ARSK: variants seen among roughly 807,000 people sequenced by gnomAD.
The protein encoded by ARSK is arylsulfatase family member K.
ARSK carries 37 observed loss-of-function variants against 53.2 expected under a neutral mutation model. That is an observed-to-expected ratio of 0.70 (90% CI 0.54 to 0.92). The LOEUF is 0.92. Among genes scored for constraint, ARSK ranks in the 40% least tolerant of loss-of-function variants. The probability of loss-of-function intolerance (pLI) is 0.00; values close to 1 mark genes in which losing one functional copy is unlikely to be tolerated. For missense variants in ARSK, 613 were observed against 643.0 expected (o/e 0.95, Z 0.51); for synonymous variants, 208 against 223.2 (o/e 0.93, Z 0.61).
chr5:95,555,168 C>CA lies in ARSK; in HGVS notation c.-108dup. 1 of 1,078,530 alleles carries CA rather than the reference C, an allele frequency of 9.3e-7. No homozygotes were observed. Among genetic ancestry groups the CA allele is most frequent in the Non-Finnish European group, 1.3e-6 (1 of 767,868 alleles). 66.8% of individuals were successfully genotyped at this position (1,078,530 alleles called of 1,614,324 possible). Reference sequence around the variant, plus strand: ...AAGCTCGGCGTTACTATCAAGCAACCAAACTGCAAGCTTTGGGAGTTGTTC... The same window carrying CA: ...AAGCTCGGCGTTACTATCAAGCAACCAAAACTGCAAGCTTTGGGAGTTGTTC... On this transcript the variant is annotated 5_prime_UTR_variant, in exon 1 of 8. Transcript: ENST00000380009. The surrounding 1 kb of genome is among the most constrained non-coding windows in gnomAD (Gnocchi z 4.0).
rs1405908513 is a variant in ARSK at position 95,588,384 on chromosome 5, G to A, written c.871+1651G>A. Among the ~76,000 whole-genome samples, 7 of 151,598 alleles carry A rather than the reference G, an allele frequency of 4.6e-5. No homozygotes were observed. In the South Asian group the frequency reaches 6.3e-4, roughly 14 times the overall value. On this transcript the variant is annotated intron_variant, in intron 5 of 7. Coordinates refer to ENST00000380009, the MANE Select transcript of ARSK (RefSeq NM_198150.3). The stretch of plus-strand genomic sequence containing the variant: ...CCCGAGTAGCTGGGATTATAGGCAC[G>A]CGCCACCACGCCCAGCTAATTTTTG...
intron 5 of ARSK, among the ~76,000 whole-genome samples, chr5:95,589,125 G>A (rs1349789731): frequency 6.6e-6 from 1 of 152,184 alleles, no homozygotes; most frequent in Non-Finnish European, 1.5e-5. Context: ...CCTCAGGGAT[G>A]TCTTCCCCAA....
intron 3 of ARSK, among the ~76,000 whole-genome samples, chr5:95,582,415 G>A (rs1184907841): frequency 6.6e-6 from 1 of 151,990 alleles, no homozygotes; most frequent in Non-Finnish European, 1.5e-5. Context: ...AGTTAAAATT[G>A]TTCTTTTAAT....
At position 95,603,418 on chromosome 5, in the gene ARSK, C is replaced by A; in HGVS notation, c.1503C>A (p.Asn501Lys). 6.2e-7 allele frequency: 1 copy of A among 1,613,502 alleles called. No homozygotes were observed. The highest frequency in any genetic ancestry group is 1.7e-5 in the Admixed American group (1 of 59,978). Residue 501 changes from asparagine to lysine, a missense_variant, in exon 8 of 8, where the codon AAC (asparagine) becomes AAA (lysine). Coordinates refer to ENST00000380009, the MANE Select transcript of ARSK (RefSeq NM_198150.3). ...AAAGTATAGGACAGAATTATTCAAA[C>A]GTTATAGCAAATCTTAGGTGGCACC... Reference protein sequence around the residue: ...WKQSIGQNYSNVIANLRWHQD... With the variant: ...WKQSIGQNYSKVIANLRWHQD...
chr5:95,555,513 C>A lies in ARSK; in HGVS notation c.126+109C>A. 8.4e-7 allele frequency: 1 copy of A among 1,188,698 alleles called. No individual in the cohort carries two copies. The highest frequency in any genetic ancestry group is 1.1e-6 in the Non-Finnish European group (1 of 882,524). 73.6% of individuals were successfully genotyped at this position (1,188,698 alleles called of 1,614,324 possible). A position where few individuals can be genotyped will look rare whatever the true frequency, so the allele number is the denominator to read the frequency against. Reference sequence around the variant, plus strand: ...GCAGAACCTGAGACATTTTCAAACACCTTTTACCCCGATGCAAAGAAAGAA... The same window carrying A: ...GCAGAACCTGAGACATTTTCAAACAACTTTTACCCCGATGCAAAGAAAGAA... On this transcript the variant is annotated intron_variant, in intron 1 of 7. Coordinates refer to ENST00000380009, the MANE Select transcript of ARSK (RefSeq NM_198150.3). The surrounding 1 kb of genome is among the most constrained non-coding windows in gnomAD (Gnocchi z 4.0).
intron 3 of ARSK, among the ~76,000 whole-genome samples, chr5:95,569,303 A>G (rs1439930062): frequency 1.3e-5 from 2 of 152,232 alleles, no homozygotes; most frequent in African/African-American, 4.8e-5. Flanking sequence ...TAATAATAAG[A>G]AAAAATTAAG....
intron 3 of ARSK, among the ~76,000 whole-genome samples, chr5:95,582,549 G>T (rs1749036115): frequency 6.6e-6 from 1 of 151,852 alleles, no homozygotes; most frequent in Non-Finnish European, 1.5e-5. Context: ...TAGTAGCTTT[G>T]GTTAGGAATA....
chr5:95,567,730 A>G (rs377057104), intron 2 of ARSK, among the ~76,000 whole-genome samples, 160 bp from the exon 3 acceptor site: 4 of 152,224 alleles, frequency 2.6e-5, no homozygotes, highest in East Asian at 3.8e-4. Context: ...TGATAAAATG[A>G]GGTAACAATC....
Position 95,582,941 on chromosome 5 carries a change from G to A in ARSK, c.442G>A (p.Asp148Asn), listed in dbSNP as rs558320166. Residue 148 changes from aspartate (D) to asparagine (N), a missense_variant, in exon 4 of 8, where the codon GAT (aspartate) becomes AAT (asparagine). Asp to Asn is a conservative substitution (Grantham distance 23). Transcript: ENST00000380009. ...ISNRVEAWTR[D>N]VAFLLRQEGR... Reference sequence around the variant, plus strand: ...TAATCGTGTGGAAGCGTGGACAAGAGATGTTGCTTTCTTACTCAGACAAGA... The same window carrying A: ...TAATCGTGTGGAAGCGTGGACAAGAAATGTTGCTTTCTTACTCAGACAAGA... 1.7e-4 allele frequency: 268 copies of A among 1,610,902 alleles called. 2 individuals carry two copies. In the South Asian group the frequency reaches 2.7e-3, roughly 16 times the overall value.
At chr5:95,558,095 C>T (rs1748557153) in intron 1 of ARSK, among the ~76,000 whole-genome samples, 1 of 152,200 alleles carries the variant, frequency 6.6e-6, no homozygotes, top group Admixed American at 6.5e-5. Flanking sequence ...CCAAAAGGGA[C>T]AGGCTGTGAG....
intron 4 of ARSK, among the ~76,000 whole-genome samples, chr5:95,584,328 T>C (rs1038144350): frequency 6.6e-6 from 1 of 152,212 alleles, no homozygotes; most frequent in African/African-American, 2.4e-5. Flanking sequence ...ACTAAAGAGC[T>C]AGCAGCATAT....
At chr5:95,583,786 C>G (rs1749062556) in intron 4 of ARSK, among the ~76,000 whole-genome samples, 1 of 152,118 alleles carries the variant, frequency 6.6e-6, no homozygotes, top group Non-Finnish European at 1.5e-5. Context: ...AGCATCTTTT[C>G]CAAGACTTGG....
chr5:95,582,713 A>G (rs927644056), intron 3 of ARSK, among the ~76,000 whole-genome samples: 1 of 152,172 alleles, frequency 6.6e-6, no homozygotes, highest in Non-Finnish European at 1.5e-5. Context: ...ATAAGTGAAT[A>G]TTCAATTCTT....
chr5:95,604,189 TAC>T lies in ARSK; in HGVS notation c.*664_*665del, dbSNP rs1749461865. 6.6e-6 allele frequency: 1 copy of T among 152,240 alleles called. No individual in the cohort carries two copies. Among genetic ancestry groups the T allele is most frequent in the Non-Finnish European group, 1.5e-5 (1 of 68,042 alleles). The allele number at this position is 152,240 out of a possible 1,614,324, so 9.4% of individuals were successfully genotyped here. ...GAGCATTTGATGGTGCTCGATGAGT[TAC>T]TTGTATTTGATGGGATTGTTTGGAT... On this transcript the variant is annotated 3_prime_UTR_variant, in exon 8 of 8. Transcript: ENST00000380009.
At chr5:95,600,751 A>T in intron 6 of ARSK, 96 bp from the exon 7 acceptor site, 1 of 1,211,646 alleles carries the variant, frequency 8.3e-7, no homozygotes, top group East Asian at 2.4e-5. Context: ...CATGGCATTT[A>T]ATGGTATGAA....
At position 95,558,375 on chromosome 5, in the gene ARSK, A is replaced by G. The variant is rs75474586; in HGVS notation, c.126+2971A>G. Reference sequence around the variant, plus strand: ...TGGAGGAAATAATAAGGATTAGGGCAGAAATTAAAGAAACAGAGGATGGAA... The same window carrying G: ...TGGAGGAAATAATAAGGATTAGGGCGGAAATTAAAGAAACAGAGGATGGAA... On this transcript the variant is annotated intron_variant, in intron 1 of 7. Coordinates refer to ENST00000380009, the MANE Select transcript of ARSK (RefSeq NM_198150.3). Among the ~76,000 whole-genome samples the G allele has an allele frequency of 1.8e-3, 268 of 152,336 alleles. 8 individuals carry two copies. The East Asian group carries it at 0.048, about 27-fold the overall frequency.
intron 4 of ARSK, among the ~76,000 whole-genome samples, chr5:95,584,262 A>G (rs6866194): frequency 0.25 from 37,862 of 152,156 alleles, 6,296 homozygotes; most frequent in African/African-American, 0.47. Context: ...TTTAAAAGAA[A>G]CAATATGATT....
At chr5:95,570,303 C>G (rs1189859059) in intron 3 of ARSK, among the ~76,000 whole-genome samples, 1 of 152,224 alleles carries the variant, frequency 6.6e-6, no homozygotes, top group Non-Finnish European at 1.5e-5. Flanking sequence ...TTAAAACTTT[C>G]CTTAATATGC....
intron 3 of ARSK, among the ~76,000 whole-genome samples, chr5:95,580,681 A>G (rs1290482310): frequency 1.3e-5 from 2 of 152,212 alleles, no homozygotes; most frequent in Non-Finnish European, 2.9e-5. Context: ...ATTGTGTTTC[A>G]TGATGGCCCA....
Sources: gnomAD v4.1 joint callset for allele counts (sites outside exome capture counted in the v4.1 genomes callset) on GRCh38, gnomAD v4.1.1 for gene constraint, Gnocchi (gnomAD v3.1) non-coding constraint, MANE v1.5 for transcripts, NCBI Gene and HGNC (gene_info 2026-07-23, HGNC 2026-07-21) for gene names.